Variants in CADPS observed in about 807,000 individuals in gnomAD.
CADPS encodes calcium-dependent secretion activator 1.
Under a neutral mutation model 167.3 loss-of-function variants are expected in CADPS, and 57 were observed. The ratio of observed to expected loss-of-function variants is 0.34; its 90% CI spans 0.28 to 0.42. The LOEUF is 0.42. Among genes scored for constraint, CADPS ranks in the 20% least tolerant of loss-of-function variants. The pLI, the probability that CADPS is intolerant of heterozygous loss-of-function variation, is 1.00. For missense variants in CADPS, 1,414 were observed against 1,738.1 expected, an observed-to-expected ratio of 0.81 and a Z score of 3.32; for synonymous variants, 676 against 635.3, an observed-to-expected ratio of 1.06 and a Z score of -0.96.
intron 17 of CADPS, among the ~76,000 whole-genome samples, chr3:62,510,191 C>CATCTATCTATCTGTCTATCT (rs1553853779): frequency 1.3e-4 from 20 of 148,266 alleles, no homozygotes; most frequent in African/African-American, 5.0e-4. Context: ...CCTATTTCTG[C>CATCTATCTATCTGTCTATCT]ATCTATCTAT....
chr3:62,638,889 A>G (rs913118116), intron 6 of CADPS, among the ~76,000 whole-genome samples: 1 of 152,200 alleles, frequency 6.6e-6, no homozygotes, highest in African/African-American at 2.4e-5. Context: ...GAGAAGTTGG[A>G]AAGCTTGGTG....
chr3:62,698,592 A>G (rs2080787863), intron 3 of CADPS, among the ~76,000 whole-genome samples: 1 of 151,738 alleles, frequency 6.6e-6, no homozygotes, highest in African/African-American at 2.4e-5. Context: ...TAGAGTCATC[A>G]TCTCCCACAT....
At chr3:62,499,389 A>G in intron 17 of CADPS, 121 bp from the exon 18 acceptor site, 1 of 662,166 alleles carries the variant, frequency 1.5e-6, no homozygotes, top group Admixed American at 2.2e-5. Context: ...ATTCATGCAA[A>G]TGTTAAGTGC....
intron 6 of CADPS, among the ~76,000 whole-genome samples, chr3:62,605,780 A>G (rs1460765582): frequency 7.2e-5 from 11 of 152,218 alleles, no homozygotes; most frequent in Admixed American, 7.2e-4. Flanking sequence ...AATAAATCCT[A>G]AAAGTGTGGT....
intron 4 of CADPS, among the ~76,000 whole-genome samples, chr3:62,653,270 A>G (rs554000143): frequency 8.9e-4 from 135 of 152,246 alleles, no homozygotes; most frequent in African/African-American, 3.1e-3. Flanking sequence ...GGCCCTCATG[A>G]TGGAACTAGT....
At chr3:62,482,487 GAAGA>G (rs1445144447) in intron 21 of CADPS, among the ~76,000 whole-genome samples, 8 of 152,114 alleles carry the variant, frequency 5.3e-5, no homozygotes, top group African/African-American at 1.9e-4. Flanking sequence ...ATTGTATCAA[GAAGA>G]AAGATCAGAT....
At chr3:62,550,846 T>C (rs1239248057) in intron 10 of CADPS, 1 of 456,720 alleles carries the variant, frequency 2.2e-6, no homozygotes, top group Non-Finnish European at 4.4e-6. Context: ...CCCACCCACC[T>C]ATCAGCAGCA....
chr3:62,472,141 T>G (rs6777573), intron 24 of CADPS, among the ~76,000 whole-genome samples: 15,287 of 152,240 alleles, frequency 0.1, 1,768 homozygotes, highest in African/African-American at 0.28. Flanking sequence ...TATGAAATGT[T>G]CAGAATAGTT....
Position 62,568,571 on chromosome 3 carries a change from G to C in CADPS, c.1644+2301C>G, listed in dbSNP as rs150408537. Among the ~76,000 whole-genome samples the C allele has an allele frequency of 1.9e-3, 294 of 152,328 alleles. 2 individuals carry two copies. Among genetic ancestry groups the C allele is most frequent in the African/African-American group, 6.6e-3 (276 of 41,578 alleles). ...GGGGGCTCTCAGGTCTTTGGCCTCA[G>C]ACTGAAGGCTGTACTGTTGGCTTCC... On this transcript the variant is annotated intron_variant, in intron 9 of 29. Coordinates refer to ENST00000383710, the MANE Select transcript of CADPS (RefSeq NM_003716.4).
At chr3:62,715,874 T>C (rs573989501) in intron 3 of CADPS, among the ~76,000 whole-genome samples, 133 of 131,878 alleles carry the variant, frequency 1.0e-3, no homozygotes, top group African/African-American at 3.6e-3. Context: ...GCCTCCTGAG[T>C]AGCTGGAACT....
At chr3:62,470,317 A>G (rs530999283) in intron 24 of CADPS, among the ~76,000 whole-genome samples, 1 of 152,202 alleles carries the variant, frequency 6.6e-6, no homozygotes, top group Non-Finnish European at 1.5e-5. Flanking sequence ...TGGTATTAGT[A>G]GCTAGGTCTA....
intron 1 of CADPS, among the ~76,000 whole-genome samples, chr3:62,837,322 A>C (rs577885935): frequency 6.6e-6 from 1 of 152,300 alleles, no homozygotes; most frequent in East Asian, 1.9e-4. Flanking sequence ...GGGCTCTTTC[A>C]TCTTACACTG....
chr3:62,751,595 G>A (rs1029446686), intron 3 of CADPS, among the ~76,000 whole-genome samples: 3 of 151,918 alleles, frequency 2.0e-5, no homozygotes, highest in African/African-American at 7.3e-5. Flanking sequence ...GCTAATTTTT[G>A]TATTTTTAGT....
chr3:62,838,843 C>T (rs2076253765), intron 1 of CADPS, among the ~76,000 whole-genome samples: 1 of 152,108 alleles, frequency 6.6e-6, no homozygotes, highest in African/African-American at 2.4e-5. Flanking sequence ...ATGAGCAAAT[C>T]ATTTGAGGAA....
At chr3:62,653,080 G>C (rs2070647860) in intron 4 of CADPS, among the ~76,000 whole-genome samples, 2 of 152,202 alleles carry the variant, frequency 1.3e-5, no homozygotes, top group Non-Finnish European at 2.9e-5. Context: ...CCATATTTCA[G>C]CTTCAAAATT....
At chr3:62,670,736 T>A (rs756650454) in intron 3 of CADPS, among the ~76,000 whole-genome samples, 15 of 152,138 alleles carry the variant, frequency 9.9e-5, no homozygotes, top group Non-Finnish European at 2.1e-4. Context: ...CCTGTAGTGC[T>A]CAACCAGTCT....
chr3:62,632,588 C>A (rs914551349), intron 6 of CADPS, among the ~76,000 whole-genome samples: 1 of 152,074 alleles, frequency 6.6e-6, no homozygotes, highest in Non-Finnish European at 1.5e-5. Flanking sequence ...AAGTACCCAA[C>A]ACTGACATTA....
intron 3 of CADPS, among the ~76,000 whole-genome samples, chr3:62,686,698 A>G (rs1257546913): frequency 6.6e-6 from 1 of 152,026 alleles, no homozygotes; most frequent in African/African-American, 2.4e-5. Flanking sequence ...TATGGAATAT[A>G]TTTCGTAATG....
At chr3:62,409,860 CAT>C (rs995803001) in intron 28 of CADPS, among the ~76,000 whole-genome samples, 1 of 152,142 alleles carries the variant, frequency 6.6e-6, no homozygotes, top group Admixed American at 6.5e-5. Flanking sequence ...AAAACTGTCT[CAT>C]GTGAAATTAA....
Sources: gnomAD v4.1 joint callset for allele counts (sites outside exome capture counted in the v4.1 genomes callset) on GRCh38, gnomAD v4.1.1 for gene constraint, MANE v1.5 for transcripts, NCBI Gene and HGNC (gene_info 2026-07-23, HGNC 2026-07-21) for gene names.